TRIM61: variants seen among roughly 807,000 people sequenced by gnomAD.
TRIM61 encodes putative tripartite motif-containing protein 61.
TRIM61 carries 1 observed loss-of-function variant against 14.2 expected under a neutral mutation model. The ratio of observed to expected loss-of-function variants is 0.07; its 90% CI spans 0.03 to 0.33. The LOEUF (loss-of-function observed/expected upper bound fraction) is 0.33. Ranked by LOEUF, TRIM61 falls within the 10% of genes least tolerant of loss-of-function variation. TRIM61 has a pLI of 0.99. For synonymous variants in TRIM61, 8 were observed against 71.6 expected, an observed-to-expected ratio of 0.11 and a Z score of 4.49; for missense variants, 19 against 202.2, an observed-to-expected ratio of 0.09 and a Z score of 5.49.
chr4:164,958,830 C>T (rs1732070452), intron 3 of TRIM61: 2 of 167,042 alleles, frequency 1.2e-5, no homozygotes, highest in Admixed American at 6.5e-5. Context: ...TCCTGTTAAA[C>T]AGAGGCATGA....
chr4:164,955,398 CTA>C (rs920926323), intron 3 of TRIM61, among the ~76,000 whole-genome samples: 3 of 151,750 alleles, frequency 2.0e-5, no homozygotes, highest in African/African-American at 7.3e-5. Context: ...ACACCAAATC[CTA>C]TGTTTTAAAA....
chr4:164,957,246 A>G (rs1400636377), intron 3 of TRIM61: 2 of 1,614,124 alleles, frequency 1.2e-6, no homozygotes, highest in African/African-American at 1.3e-5. Flanking sequence ...CGGTCGCTCC[A>G]CCAATCCTGG....
intron 3 of TRIM61, among the ~76,000 whole-genome samples, chr4:164,965,591 G>A (rs1030478943): frequency 4.0e-5 from 6 of 151,564 alleles, no homozygotes; most frequent in Admixed American, 1.3e-4. Context: ...ATGCCACCAA[G>A]CCTGGCTAAT....
At chr4:164,974,402 T>A (rs534608624) in intron 2 of TRIM61, among the ~76,000 whole-genome samples, 3 of 152,198 alleles carry the variant, frequency 2.0e-5, no homozygotes, top group African/African-American at 4.8e-5. Flanking sequence ...ACTAACACAA[T>A]TAACTTCAGA....
intron 3 of TRIM61, among the ~76,000 whole-genome samples, chr4:164,960,986 CAG>C (rs1732117908): frequency 6.6e-6 from 1 of 151,482 alleles, no homozygotes; most frequent in Non-Finnish European, 1.5e-5. Context: ...ATATTTACCT[CAG>C]TATATATTTT....
At chr4:164,975,845 C>T (rs1732469300) in intron 2 of TRIM61, among the ~76,000 whole-genome samples, 1 of 152,182 alleles carries the variant, frequency 6.6e-6, no homozygotes, top group South Asian at 2.1e-4. Context: ...AGAGGAAAGC[C>T]TCTTGCAGTT....
chr4:164,958,668 G>T (rs976932055), intron 3 of TRIM61: 1 of 167,030 alleles, frequency 6.0e-6, no homozygotes, highest in Admixed American at 6.5e-5. Flanking sequence ...GATATTCTAA[G>T]ATGAAAGATG....
At chr4:164,973,045 T>C (rs1479135997) in intron 2 of TRIM61, among the ~76,000 whole-genome samples, 1 of 152,188 alleles carries the variant, frequency 6.6e-6, no homozygotes, top group East Asian at 1.9e-4. Flanking sequence ...AACCACTTTC[T>C]GCTTAGATTA....
intron 3 of TRIM61, chr4:164,956,891 C>T (rs913069689): frequency 4.5e-6 from 4 of 898,872 alleles, no homozygotes; most frequent in South Asian, 3.6e-5. Context: ...TGGGCGAGTC[C>T]GTAGCGGAAG....
At chr4:164,966,290 C>G (rs1274485947) in intron 3 of TRIM61, among the ~76,000 whole-genome samples, 1 of 152,090 alleles carries the variant, frequency 6.6e-6, no homozygotes, top group Non-Finnish European at 1.5e-5. Context: ...CAATACATGG[C>G]TCAGAAATGA....
intron 3 of TRIM61, among the ~76,000 whole-genome samples, chr4:164,960,727 G>C (rs1288481211): frequency 6.6e-6 from 1 of 152,098 alleles, no homozygotes; most frequent in Admixed American, 6.5e-5. Flanking sequence ...GAGGCAGGCA[G>C]ATCACCTGAG....
chr4:164,976,071 T>G (rs1036133973), intron 2 of TRIM61, among the ~76,000 whole-genome samples: 2 of 152,126 alleles, frequency 1.3e-5, no homozygotes, highest in Admixed American at 6.6e-5. Flanking sequence ...GCACGTCCAG[T>G]CATAGTACTT....
At chr4:164,956,969 C>G in intron 3 of TRIM61, 1 of 1,435,982 alleles carries the variant, frequency 7.0e-7, no homozygotes, top group Non-Finnish European at 9.2e-7. Flanking sequence ...CGGGTGAGAC[C>G]GTGAAGGTGT....
rs569254167 is a variant in TRIM61, at chr4:164,959,005, AT to A, written c.526-3910del. 2.4e-5 allele frequency: 4 copies of A among 167,242 alleles called. No homozygotes were observed. In the Admixed American group the frequency reaches 2.6e-4, roughly 11 times the overall value. 10.4% of individuals were successfully genotyped at this position (167,242 alleles called of 1,614,324 possible). A position where few individuals can be genotyped will look rare whatever the true frequency, so the allele number is the denominator to read the frequency against. On this transcript the variant is annotated intron_variant, in intron 3 of 4. Transcript: ENST00000329314. ...TATCCAAATATGGTAATATAATTGG[AT>A]TAATACGTTCATATGACTATATAAT...
At chr4:164,956,157 C>T (rs1044222290) in intron 3 of TRIM61, among the ~76,000 whole-genome samples, 2 of 152,192 alleles carry the variant, frequency 1.3e-5, no homozygotes, top group African/African-American at 4.8e-5. Context: ...CCTCAACTCC[C>T]CAGGTTCAAG....
intron 3 of TRIM61, chr4:164,956,994 G>A (rs1352244564): frequency 2.7e-6 from 4 of 1,459,064 alleles, no homozygotes; most frequent in African/African-American, 1.4e-5. Flanking sequence ...CGACGTTGGA[G>A]ACCGGGGCAG....
rs75122390 is a variant in TRIM61 at position 164,959,832 on chromosome 4, G to A, written c.526-4736C>T. Among the ~76,000 whole-genome samples, 138 of 152,208 alleles carry A rather than the reference G, an allele frequency of 9.1e-4. 2 individuals are homozygous for A. The East Asian group carries it at 0.026, about 29-fold the overall frequency. ...ATTAATACAAACACACCCTCACTAC[G>A]GGCCTAGCAGAAGGGAAACAAGTTC... is the stretch of plus-strand genomic sequence containing the variant. On this transcript the variant is annotated intron_variant, in intron 3 of 4. Coordinates refer to ENST00000329314, the MANE Select transcript of TRIM61 (RefSeq NM_001012414.3).
chr4:164,965,654 C>G lies in TRIM61; in HGVS notation c.525+3824G>C, dbSNP rs1732223681. 2.0e-5 allele frequency among the ~76,000 whole-genome samples: 3 copies of G among 151,888 alleles called. No homozygotes were observed. In the South Asian group the frequency reaches 6.2e-4, roughly 32 times the overall value. The stretch of plus-strand genomic sequence containing the variant: ...TTCACTGTGTTAGCCAGGATGGTCT[C>G]AAACTCCTGGCCTCATGATCTGCCT... On this transcript the variant is annotated intron_variant, in intron 3 of 4. Transcript: ENST00000329314.
Position 164,968,919 on chromosome 4 carries a change from A to G in TRIM61, c.525+559T>C, listed in dbSNP as rs1375876174. ...CAGTCATTACAGACACCAAGAATCC[A>G]TTCAGGCTTGTCTTTCACTTCTACT... On this transcript the variant is annotated intron_variant, in intron 3 of 4. Coordinates refer to ENST00000329314, the MANE Select transcript of TRIM61 (RefSeq NM_001012414.3). 3.0e-6 allele frequency: 3 copies of G among 994,736 alleles called. No individual in the cohort carries two copies. The African/African-American group carries it at 5.2e-5, about 17-fold the overall frequency. The allele number at this position is 994,736 out of a possible 1,614,324, so 61.6% of individuals were successfully genotyped here. A position where few individuals can be genotyped will look rare whatever the true frequency, so the allele number is the denominator to read the frequency against.
Sources: gnomAD v4.1 joint callset for allele counts (sites outside exome capture counted in the v4.1 genomes callset) on GRCh38, gnomAD v4.1.1 for gene constraint, MANE v1.5 for transcripts, NCBI Gene and HGNC (gene_info 2026-07-23, HGNC 2026-07-21) for gene names.